Variants in MAP2K1 observed in about 807,000 individuals in gnomAD.
MAP2K1 encodes the protein mitogen-activated protein kinase kinase 1, also known as dual specificity mitogen-activated protein kinase kinase 1.
Under a neutral mutation model 46.3 loss-of-function variants are expected in MAP2K1, and 16 were observed. That is an observed-to-expected ratio of 0.35 (90% CI 0.23 to 0.52). The LOEUF (loss-of-function observed/expected upper bound fraction) is 0.52. Among genes scored for constraint, MAP2K1 ranks in the 20% least tolerant of loss-of-function variants. MAP2K1 has a pLI of 0.94. For missense variants in MAP2K1, 263 were observed against 497.1 expected (o/e 0.53, Z 4.48); for synonymous variants, 183 against 185.6 (o/e 0.99, Z 0.11).
intron 1 of MAP2K1, 47 bp downstream of exon 1, chr15:66,387,474 C>T (rs1162293036): frequency 1.3e-6 from 2 of 1,534,554 alleles, no homozygotes; most frequent in African/African-American, 1.4e-5. Flanking sequence ...CTGGGGAGGC[C>T]CGAGCCGGGG....
At chr15:66,453,722 A>G (rs543424915) in intron 5 of MAP2K1, among the ~76,000 whole-genome samples, 1 of 152,336 alleles carries the variant, frequency 6.6e-6, no homozygotes, top group South Asian at 2.1e-4. Context: ...GGAAGAGTAA[A>G]GAGGTCTTTT....
chr15:66,487,630 A>G (rs931135116), intron 8 of MAP2K1, among the ~76,000 whole-genome samples: 5 of 152,198 alleles, frequency 3.3e-5, no homozygotes, highest in Admixed American at 3.3e-4. Context: ...CATCGCTGTC[A>G]CAGGTTCAGT....
intron 1 of MAP2K1, among the ~76,000 whole-genome samples, chr15:66,388,308 T>C (rs1259945108): frequency 2.0e-5 from 3 of 152,190 alleles, no homozygotes; most frequent in Non-Finnish European, 2.9e-5. Flanking sequence ...GACAAGACTA[T>C]GTGAGGGAAA....
At chr15:66,404,180 G>A (rs932356525) in intron 1 of MAP2K1, among the ~76,000 whole-genome samples, 2 of 152,110 alleles carry the variant, frequency 1.3e-5, no homozygotes, top group South Asian at 2.1e-4. Flanking sequence ...GAAAGGTACC[G>A]TTCACTAAAG....
chr15:66,440,888 C>A (rs909775733), intron 3 of MAP2K1, among the ~76,000 whole-genome samples: 3 of 152,118 alleles, frequency 2.0e-5, no homozygotes, highest in Non-Finnish European at 4.4e-5. Context: ...GTAATTCCAT[C>A]GTTCACACTA....
intron 3 of MAP2K1, among the ~76,000 whole-genome samples, chr15:66,439,498 A>G (rs917145780): frequency 6.6e-6 from 1 of 152,014 alleles, no homozygotes; most frequent in African/African-American, 2.4e-5. Context: ...CAGACACGGT[A>G]GCTCACACCT....
chr15:66,452,262 A>C (rs1325796524), intron 5 of MAP2K1, among the ~76,000 whole-genome samples: 2 of 136,330 alleles, frequency 1.5e-5, no homozygotes, highest in Non-Finnish European at 3.1e-5. Context: ...CAATGTGCAC[A>C]TGCACCCTAA....
chr15:66,392,554 CT>C lies in MAP2K1; in HGVS notation c.80+5143del, dbSNP rs71287024. ...TTTCTTCTTTGTTTTCTTTTCTTTT[CT>C]TTTTTTTTTTTTTTTGAGATGGAGT... On this transcript the variant is annotated intron_variant, in intron 1 of 10. Transcript: ENST00000307102. Among the ~76,000 whole-genome samples, 1,280 of 129,022 alleles carry C rather than the reference CT, an allele frequency of 9.9e-3. 13 individuals are homozygous for C. The highest frequency in any genetic ancestry group is 0.036 in the East Asian group (164 of 4,542). 84.6% of individuals were successfully genotyped at this position (129,022 alleles called of 152,430 possible).
intron 1 of MAP2K1, among the ~76,000 whole-genome samples, chr15:66,388,192 G>C (rs993755920): frequency 6.6e-6 from 1 of 152,054 alleles, no homozygotes; most frequent in East Asian, 1.9e-4. Flanking sequence ...CATCTCTGCA[G>C]CTTCCAGCGT....
chr15:66,414,662 T>G (rs2093420338), intron 1 of MAP2K1, among the ~76,000 whole-genome samples: 1 of 152,202 alleles, frequency 6.6e-6, no homozygotes, highest in Non-Finnish European at 1.5e-5. Context: ...GGCCATGTGA[T>G]TGAACTGAAT....
intron 1 of MAP2K1, among the ~76,000 whole-genome samples, chr15:66,399,972 G>C (rs1229249171): frequency 6.6e-6 from 1 of 151,978 alleles, no homozygotes; most frequent in Non-Finnish European, 1.5e-5. Flanking sequence ...TGAGGTTTTG[G>C]CTTCTTGCAT....
intron 5 of MAP2K1, among the ~76,000 whole-genome samples, chr15:66,478,404 A>ATATATATACACACAGG (rs1892819580): frequency 6.9e-6 from 1 of 145,754 alleles, no homozygotes; most frequent in Non-Finnish European, 1.5e-5. Context: ...GTGTGTGTAT[A>ATATATATACACACAGG]TATATATATA....
intron 9 of MAP2K1, 85 bp downstream of exon 9, chr15:66,489,361 T>C (rs1265977232): frequency 1.5e-6 from 2 of 1,301,336 alleles, no homozygotes; most frequent in Non-Finnish European, 2.2e-6. Flanking sequence ...CAGCATTGCT[T>C]CTGCAGGCAG....
intron 1 of MAP2K1, among the ~76,000 whole-genome samples, chr15:66,420,727 G>T (rs200496490): frequency 8.5e-5 from 3 of 35,102 alleles, no homozygotes; most frequent in Non-Finnish European, 1.7e-4. Flanking sequence ...ATATATGTGT[G>T]TGTGTGTGTG....
At chr15:66,392,255 G>GTTTTTTTTTT (rs58831070) in intron 1 of MAP2K1, among the ~76,000 whole-genome samples, 9 of 97,768 alleles carry the variant, frequency 9.2e-5, no homozygotes, top group African/African-American at 4.1e-4. Flanking sequence ...TTTTTTTTGG[G>GTTTTTTTTTT]TTTTTTTTTT....
At chr15:66,487,386 C>G in intron 8 of MAP2K1, 94 bp downstream of exon 8, 5 of 1,211,324 alleles carry the variant, frequency 4.1e-6, no homozygotes, top group Non-Finnish European at 6.1e-6. Flanking sequence ...CGCCTGTAAT[C>G]CCAGCAGTTT....
intron 8 of MAP2K1, among the ~76,000 whole-genome samples, chr15:66,488,329 G>T (rs1893119428): frequency 6.6e-6 from 1 of 152,222 alleles, no homozygotes; most frequent in South Asian, 2.1e-4. Flanking sequence ...CCTAAGATCA[G>T]ACTGACATGG....
At chr15:66,485,270 T>C in intron 7 of MAP2K1, 79 bp downstream of exon 7, 3 of 1,318,238 alleles carry the variant, frequency 2.3e-6, no homozygotes, top group South Asian at 2.6e-5. Flanking sequence ...GGAGGGCTGA[T>C]TCTCTGTACA....
chr15:66,462,010 A>G (rs993490286), intron 5 of MAP2K1, among the ~76,000 whole-genome samples: 4 of 152,226 alleles, frequency 2.6e-5, no homozygotes, highest in African/African-American at 9.6e-5. Flanking sequence ...CACATTGCGT[A>G]TACAATGCTG....
Sources: allele counts gnomAD v4.1 joint callset (sites outside exome capture counted in the v4.1 genomes callset), GRCh38; gene constraint gnomAD v4.1.1; transcripts MANE v1.5; gene names NCBI Gene and HGNC (gene_info 2026-07-23, HGNC 2026-07-21).